Variants in TSBP1 observed in about 807,000 individuals in gnomAD.
TSBP1 encodes testis expressed basic protein 1, also known as testis-expressed basic protein 1.
In TSBP1, 56 loss-of-function variants were observed where a neutral mutation model predicts 68.8. The ratio of observed to expected loss-of-function variants is 0.81; its 90% confidence interval spans 0.66 to 1.02. The LOEUF (loss-of-function observed/expected upper bound fraction) is 1.02. TSBP1 is among the 50% of genes least tolerant of loss of function. The pLI is 0.00. For missense variants in TSBP1, 502 were observed against 641.2 expected, an observed-to-expected ratio of 0.78 and a Z score of 2.34; for synonymous variants, 171 against 208.7, an observed-to-expected ratio of 0.82 and a Z score of 1.56.
In TSBP1 at chr6:32,325,177, C is replaced by A; in HGVS notation, c.515-1563G>T. 1.8e-6 allele frequency: 1 copy of A among 545,344 alleles called. No individual in the cohort carries two copies. Among genetic ancestry groups the A allele is most frequent in the South Asian group, 3.4e-5 (1 of 29,476 alleles). 33.8% of individuals were successfully genotyped at this position (545,344 alleles called of 1,614,324 possible). A position where few individuals can be genotyped will look rare whatever the true frequency, so the allele number is the denominator to read the frequency against. On this transcript the variant is annotated intron_variant, in intron 16 of 22. Transcript: ENST00000612031. The surrounding 1 kb of genome is among the most constrained non-coding windows in gnomAD (Gnocchi z 4.4). ...TTTATGCCTTTCTGCCCATGGATGC[C>A]ATGGAAGAAGCATCATTAAAGTCTC...
Position 32,314,772 on chromosome 6 carries a change from G to T in TSBP1, c.580+1000C>A, listed in dbSNP as rs1037708751. Among the ~76,000 whole-genome samples the T allele has an allele frequency of 2.0e-5, 3 of 152,202 alleles. No homozygotes were observed. Among genetic ancestry groups the T allele is most frequent in the Non-Finnish European group, 4.4e-5 (3 of 68,038 alleles). On this transcript the variant is annotated intron_variant, in intron 19 of 22. Transcript: ENST00000612031. The surrounding 1 kb of genome is among the most constrained non-coding windows in gnomAD (Gnocchi z 4.2). ...GGATATATAAGCATATTTGAAATCT[G>T]TTAGAATAACATAGATGTCTTTCAT...
rs1422489144 is a variant in TSBP1, at chr6:32,321,375, A to G, written c.559+1742T>C. Among the ~76,000 whole-genome samples, 1 of 152,050 alleles carries G rather than the reference A, an allele frequency of 6.6e-6. No homozygotes were observed. The highest frequency in any genetic ancestry group is 2.4e-5 in the African/African-American group (1 of 41,404). ...ATCTTTTTCCTGCCCATACTCTCTG[A>G]TGACTTCTCTGAAAAGGACACTATG... On this transcript the variant is annotated intron_variant, in intron 18 of 22. Transcript: ENST00000612031. The surrounding 1 kb of genome is among the most constrained non-coding windows in gnomAD (Gnocchi z 4.3).
At chr6:32,349,833 T>C (rs2127629480) in intron 8 of TSBP1, 73 bp from the exon 9 acceptor site, 1 of 1,557,018 alleles carries the variant, frequency 6.4e-7, no homozygotes, top group African/African-American at 1.4e-5. Context: ...ATAGACACTA[T>C]ATTGCAGAAA....
At chr6:32,330,047 C>G (rs116839050) in intron 16 of TSBP1, among the ~76,000 whole-genome samples, 1 of 152,008 alleles carries the variant, frequency 6.6e-6, no homozygotes, top group Non-Finnish European at 1.5e-5. Context: ...TGTGTGCGCG[C>G]GCGCACGTGT....
At chr6:32,367,038 C>G (rs572868215) in intron 4 of TSBP1, among the ~76,000 whole-genome samples, 1 of 140,524 alleles carries the variant, frequency 7.1e-6, no homozygotes, top group Non-Finnish European at 1.5e-5. Flanking sequence ...TCTCAGGGAT[C>G]TATATGCTTG....
Position 32,292,969 on chromosome 6 carries a change from A to C in TSBP1, c.*12T>G, listed in dbSNP as rs767294659. 10 of 1,564,174 alleles carry C rather than the reference A, an allele frequency of 6.4e-6. No homozygotes were observed. The African/African-American group carries it at 9.6e-5, about 15-fold the overall frequency. ...TAATCACTTGTCTTATGGGCCTTTA[A>C]AAAATTTATCCTTACTCTTCCACTT... On this transcript the variant is annotated 3_prime_UTR_variant, in exon 23 of 23. Transcript: ENST00000612031. This position sits in a 1 kb window ranked among gnomAD's most constrained non-coding sequence, Gnocchi z 4.1.
In TSBP1 at chr6:32,335,193, C is replaced by A. The variant is rs1014351325; in HGVS notation, c.472+244G>T. ...TGGCTCTACAGAGCTAGATTATATG[C>A]TGAAGTGGAAACAGCTTAGGACCAT... On this transcript the variant is annotated intron_variant, in intron 14 of 22. Coordinates refer to ENST00000612031, the Ensembl canonical transcript of TSBP1. This position sits in a 1 kb window ranked among gnomAD's most constrained non-coding sequence, Gnocchi z 5.5. 2.0e-5 allele frequency among the ~76,000 whole-genome samples: 3 copies of A among 152,074 alleles called. No individual in the cohort carries two copies. The highest frequency in any genetic ancestry group is 4.4e-5 in the Non-Finnish European group (3 of 68,012).
intron 19 of TSBP1, among the ~76,000 whole-genome samples, chr6:32,307,967 G>T (rs1285447274): frequency 2.0e-5 from 3 of 151,682 alleles, no homozygotes; most frequent in African/African-American, 4.8e-5. Flanking sequence ...TAGAGACAGG[G>T]TTTCACCATG....
intron 6 of TSBP1, among the ~76,000 whole-genome samples, chr6:32,362,146 G>A (rs1475882511): frequency 1.3e-5 from 2 of 151,988 alleles, no homozygotes; most frequent in South Asian, 2.1e-4. Flanking sequence ...AAAATTAGCC[G>A]GGCGTAGTGG....
intron 6 of TSBP1, among the ~76,000 whole-genome samples, chr6:32,359,751 G>A (rs1772781953): frequency 6.6e-6 from 1 of 152,002 alleles, no homozygotes. Flanking sequence ...TATTGCCTAG[G>A]TTTTCTTCTA....
At chr6:32,329,258 G>A (rs1454858595) in intron 16 of TSBP1, among the ~76,000 whole-genome samples, 2 of 152,146 alleles carry the variant, frequency 1.3e-5, no homozygotes, top group African/African-American at 4.8e-5. Context: ...AAGGGAAAGG[G>A]AATTCATGTA....
At chr6:32,370,033 AC>A in intron 1 of TSBP1, 50 bp from the exon 2 acceptor site, 1 of 1,189,356 alleles carries the variant, frequency 8.4e-7, no homozygotes, top group Non-Finnish European at 1.3e-6. Flanking sequence ...CCAGGAAATT[AC>A]CAGAAACAAC....
At chr6:32,318,830 AT>A (rs1767268536) in intron 18 of TSBP1, among the ~76,000 whole-genome samples, 1 of 152,178 alleles carries the variant, frequency 6.6e-6, no homozygotes. Context: ...TCTAAAATTC[AT>A]TGTGGTGATG....
chr6:32,353,172 C>A (rs1455981306), intron 8 of TSBP1, among the ~76,000 whole-genome samples: 11 of 151,784 alleles, frequency 7.2e-5, no homozygotes, highest in African/African-American at 2.7e-4. Flanking sequence ...TCAGATTTTG[C>A]AGATGACATG....
At chr6:32,293,454 T>C in exon 23 of TSBP1, 2 of 1,611,944 alleles carry the variant, frequency 1.2e-6, no homozygotes, top group Non-Finnish European at 1.7e-6. Context: ...TCCTGTCCTT[T>C]CAGTACAACT....
At chr6:32,312,390 G>A (rs1766496063) in intron 19 of TSBP1, among the ~76,000 whole-genome samples, 1 of 152,188 alleles carries the variant, frequency 6.6e-6, no homozygotes, top group South Asian at 2.1e-4. Flanking sequence ...TCCCCATTCT[G>A]AGTCAGTGTG....
At chr6:32,367,880 A>G (rs114437758) in intron 4 of TSBP1, 45 bp downstream of exon 4, 37,360 of 1,402,350 alleles carry the variant, frequency 0.027, 969 homozygotes, top group East Asian at 0.12. Flanking sequence ...CACTCTAAAG[A>G]GTATATTCCT....
chr6:32,295,358 A>C (rs150419191), intron 22 of TSBP1, among the ~76,000 whole-genome samples: 19,945 of 148,768 alleles, frequency 0.13, 2,362 homozygotes, highest in African/African-American at 0.31. Flanking sequence ...ACAAAAAAAA[A>C]AAAAAAAAAA....
chr6:32,323,319 G>A (rs1257305485), intron 17 of TSBP1, 182 bp from the exon 19 acceptor site: 8 of 659,690 alleles, frequency 1.2e-5, no homozygotes, highest in Non-Finnish European at 2.2e-5. Context: ...AGGGATTGGT[G>A]GAATTATTCT....
Sources: allele counts gnomAD v4.1 joint callset (sites outside exome capture counted in the v4.1 genomes callset), GRCh38; gene constraint gnomAD v4.1.1; non-coding constraint Gnocchi (gnomAD v3.1); transcripts MANE v1.5; gene names NCBI Gene and HGNC (gene_info 2026-07-23, HGNC 2026-07-21).